AP2A2: variants seen among roughly 807,000 people sequenced by gnomAD.
The protein encoded by AP2A2 is AP-2 complex subunit alpha-2.
AP2A2 carries 32 observed loss-of-function variants against 104.2 expected under a neutral mutation model. That is an observed-to-expected ratio of 0.31 (90% CI 0.23 to 0.41). AP2A2 has a LOEUF of 0.41. Ranked by LOEUF, AP2A2 falls within the 10% of genes least tolerant of loss-of-function variation. The pLI is 1.00. For missense variants in AP2A2, 912 were observed against 1,261.0 expected, an observed-to-expected ratio of 0.72 and a Z score of 4.19; for synonymous variants, 539 against 533.3, an observed-to-expected ratio of 1.01 and a Z score of -0.15.
chr11:958,647 A>C (rs1035726856), intron 1 of AP2A2, among the ~76,000 whole-genome samples: 2 of 151,970 alleles, frequency 1.3e-5, no homozygotes, highest in African/African-American at 4.8e-5. Context: ...TGGTGGGAGC[A>C]CTCCTAATAT....
intron 6 of AP2A2, among the ~76,000 whole-genome samples, chr11:983,017 CTTTTTTTTTTTTT>C (rs56742889): frequency 1.5e-4 from 12 of 82,376 alleles, no homozygotes; most frequent in Admixed American, 8.1e-4. Context: ...TTTTCTTTTT[CTTTTTTTTTTTTT>C]TTTTTTTTGA....
intron 8 of AP2A2, among the ~76,000 whole-genome samples, chr11:985,878 G>A (rs1855437631): frequency 6.6e-6 from 1 of 152,270 alleles, no homozygotes; most frequent in Non-Finnish European, 1.5e-5. Context: ...GAACAGAGAG[G>A]AGACGGGTGG....
chr11:978,593 T>C (rs1434187268), intron 5 of AP2A2, among the ~76,000 whole-genome samples: 2 of 152,224 alleles, frequency 1.3e-5, no homozygotes, highest in Non-Finnish European at 2.9e-5. Context: ...GTGGGCTCCC[T>C]GCTGCCCAGT....
intron 14 of AP2A2, 48 bp downstream of exon 14, chr11:994,293 C>T (rs1404492388): frequency 5.6e-6 from 9 of 1,599,124 alleles, no homozygotes; most frequent in Admixed American, 1.7e-5. Flanking sequence ...GGCCTCACCC[C>T]CAAGACTTGG....
At chr11:976,980 T>G (rs936322965) in intron 4 of AP2A2, 115 bp from the exon 5 acceptor site, 2 of 1,450,456 alleles carry the variant, frequency 1.4e-6, no homozygotes, top group Non-Finnish European at 1.9e-6. Context: ...GAGTGCTGTC[T>G]TGGCCCCTGC....
Position 992,268 on chromosome 11 carries a change from C to T in AP2A2, c.1270-235C>T, listed in dbSNP as rs1855686095. On this transcript the variant is annotated intron_variant, in intron 10 of 21. Transcript: ENST00000448903. This position sits in a 1 kb window ranked among gnomAD's most constrained non-coding sequence, Gnocchi z 6.4. ...GAGGTGGCCTGGCTGTGGCCGTGGC[C>T]TTCTGTGCACTGGTCTCCGCCTCTT... 6.6e-6 allele frequency among the ~76,000 whole-genome samples: 1 copy of T among 152,132 alleles called. No individual in the cohort carries two copies. The highest frequency in any genetic ancestry group is 2.4e-5 in the African/African-American group (1 of 41,414).
chr11:990,649 T>A (rs1855613649), intron 10 of AP2A2, among the ~76,000 whole-genome samples: 1 of 152,064 alleles, frequency 6.6e-6, no homozygotes, highest in South Asian at 2.1e-4. Context: ...CAGCCCGTCC[T>A]TTCAGCCGGA....
chr11:965,650 C>G (rs1027785350), intron 2 of AP2A2, among the ~76,000 whole-genome samples: 1 of 152,208 alleles, frequency 6.6e-6, no homozygotes, highest in Admixed American at 6.5e-5. Flanking sequence ...GCAGGCCCGT[C>G]CAGATCTGAC....
At chr11:994,752 G>T (rs1256793285) in intron 14 of AP2A2, among the ~76,000 whole-genome samples, 25 of 113,608 alleles carry the variant, frequency 2.2e-4, no homozygotes, top group Non-Finnish European at 9.7e-5. Flanking sequence ...CGCCCCCCTG[G>T]CCTGTCCCGG....
intron 7 of AP2A2, among the ~76,000 whole-genome samples, chr11:985,045 G>A (rs1040089741): frequency 3.3e-5 from 5 of 152,166 alleles, no homozygotes; most frequent in African/African-American, 4.8e-5. Context: ...GTGCAGTGAC[G>A]CGACCTCAGC....
intron 3 of AP2A2, among the ~76,000 whole-genome samples, chr11:971,141 G>T (rs1261821308): frequency 1.3e-5 from 2 of 152,226 alleles, no homozygotes; most frequent in Non-Finnish European, 2.9e-5. Context: ...TGGGGGATTA[G>T]CCTTGAGGAC....
chr11:963,448 A>AG (rs1854507424), intron 2 of AP2A2, among the ~76,000 whole-genome samples: 1 of 152,032 alleles, frequency 6.6e-6, no homozygotes, highest in South Asian at 2.1e-4. Context: ...TAAAAAAAAA[A>AG]CAAGGTACCG....
In AP2A2 at chr11:1,010,586, T is replaced by C. The variant is rs771182301; in HGVS notation, c.2781T>C (p.Val927=). Residue 927 remains valine (V), a synonymous_variant, in exon 22 of 22, where the codon GTT becomes GTC. Transcript: ENST00000448903. ...RLTLRTSKEA[V]SQRLCELLSA... is the part of the protein sequence containing the mutation. Reference sequence around the variant, plus strand: ...CGCTGCGCACAAGTAAGGAAGCCGTTTCTCAGAGATTATGTGAATTGCTCT... The same window carrying C: ...CGCTGCGCACAAGTAAGGAAGCCGTCTCTCAGAGATTATGTGAATTGCTCT... 6.3e-7 allele frequency: 1 copy of C among 1,599,104 alleles called. No homozygotes were observed. Among genetic ancestry groups the C allele is most frequent in the East Asian group, 2.2e-5 (1 of 44,474 alleles).
chr11:970,021 C>T (rs953596670), intron 2 of AP2A2, 148 bp from the exon 3 acceptor site: 59 of 733,694 alleles, frequency 8.0e-5, no homozygotes, highest in Non-Finnish European at 1.3e-4. Flanking sequence ...TGCTCAGCAG[C>T]GTCTGCACTG....
chr11:1,004,868 G>A lies in AP2A2; in HGVS notation c.2206+1064G>A, dbSNP rs1454723128. On this transcript the variant is annotated intron_variant, in intron 16 of 21. Coordinates refer to ENST00000448903, the MANE Select transcript of AP2A2 (RefSeq NM_012305.4). ...AAGAGTGTCTGCAGGGCGTGGTGAC[G>A]TTGGAGCCTTGTACGCCGCTGGTGG... 3.9e-5 allele frequency among the ~76,000 whole-genome samples: 6 copies of A among 152,066 alleles called. No individual in the cohort carries two copies. The East Asian group carries it at 5.8e-4, about 15-fold the overall frequency.
chr11:1,008,447 G>A (rs889152438), intron 18 of AP2A2: 4 of 326,070 alleles, frequency 1.2e-5, no homozygotes, highest in South Asian at 6.2e-5. Flanking sequence ...CCACCTGCCC[G>A]GCTTGGTACC....
At chr11:944,809 C>T (rs115522455) in intron 1 of AP2A2, among the ~76,000 whole-genome samples, 4,241 of 138,978 alleles carry the variant, frequency 0.031, 208 homozygotes, top group African/African-American at 0.11. Context: ...GACTGCTGCA[C>T]GGAAGAAACA....
intron 9 of AP2A2, among the ~76,000 whole-genome samples, chr11:987,641 C>T (rs997475930): frequency 4.0e-5 from 6 of 151,034 alleles, no homozygotes; most frequent in Non-Finnish European, 7.4e-5. Context: ...GGCGACAGAG[C>T]GAGACTCCGT....
intron 14 of AP2A2, among the ~76,000 whole-genome samples, chr11:999,981 AT>A (rs1340979111): frequency 4.0e-5 from 6 of 150,708 alleles, no homozygotes; most frequent in Non-Finnish European, 5.9e-5. Context: ...TTTTTTTTGT[AT>A]TTTTTAGTAG....
Sources: allele counts gnomAD v4.1 joint callset (sites outside exome capture counted in the v4.1 genomes callset), GRCh38; gene constraint gnomAD v4.1.1; non-coding constraint Gnocchi (gnomAD v3.1); transcripts MANE v1.5; gene names NCBI Gene and HGNC (gene_info 2026-07-23, HGNC 2026-07-21).